The following FRMPD1 variants were observed in gnomAD, a reference collection of about 807,000 sequenced individuals.
FRMPD1 encodes the protein FERM and PDZ domain-containing protein 1.
Under a neutral mutation model 117.8 loss-of-function variants are expected in FRMPD1, and 76 were observed. The observed-to-expected ratio is 0.65, with a 90% CI of 0.54 to 0.78. FRMPD1 has a LOEUF of 0.78. Ranked by LOEUF, FRMPD1 falls within the 30% of genes least tolerant of loss-of-function variation. The probability of loss-of-function intolerance (pLI) is 0.00; values close to 1 mark genes in which losing one functional copy is unlikely to be tolerated. For synonymous variants in FRMPD1, 783 were observed against 770.4 expected, an observed-to-expected ratio of 1.02 and a Z score of -0.27; for missense variants, 1,786 against 1,964.5, an observed-to-expected ratio of 0.91 and a Z score of 1.72.
At position 37,744,892 on chromosome 9, in the gene FRMPD1, G is replaced by A. The variant is rs1824614620; in HGVS notation, c.2860G>A (p.Glu954Lys). The change falls in exon 16 of 16, where the codon GAG becomes AAG. Residue 954 changes from glutamate (E) to lysine (K), a missense_variant. Transcript: ENST00000377765. ...CTTCCGGATTGACCCCAACAATAAA[G>A]AGAATTCTGGTGTTGTCCCTGCTGC... is the stretch of plus-strand genomic sequence containing the variant. ...IRFRIDPNNKENSGVVPAASS... is the reference protein window; with the variant it reads ...IRFRIDPNNKKNSGVVPAASS... 1 of 1,614,082 alleles carries A rather than the reference G, an allele frequency of 6.2e-7. No homozygotes were observed. The highest frequency in any genetic ancestry group is 8.5e-7 in the Non-Finnish European group (1 of 1,180,052).
At chr9:37,608,645 A>G in the FRMPD1 span, among the ~76,000 whole-genome samples, 3 of 152,264 alleles carry the variant, frequency 2.0e-5, no homozygotes, top group South Asian at 6.2e-4. Flanking sequence ...GCCTGGCAAG[A>G]CTTAGTTTTC....
chr9:37,621,682 A>G, the FRMPD1 span, among the ~76,000 whole-genome samples: 1 of 152,158 alleles, frequency 6.6e-6, no homozygotes, highest in African/African-American at 2.4e-5. Context: ...GGATTGGCCA[A>G]CACTCCCAGA....
chr9:37,628,924 C>A, the FRMPD1 span, among the ~76,000 whole-genome samples: 4 of 152,182 alleles, frequency 2.6e-5, no homozygotes, highest in African/African-American at 9.7e-5. Context: ...TCAGGCCGGG[C>A]GCGGTGGCTC....
At chr9:37,691,048 A>G (rs1394411178) in intron 1 of FRMPD1, among the ~76,000 whole-genome samples, 1 of 152,210 alleles carries the variant, frequency 6.6e-6, no homozygotes, top group Admixed American at 6.5e-5. Flanking sequence ...CAACACATGA[A>G]CTTCAGGAAC....
intron 1 of FRMPD1, among the ~76,000 whole-genome samples, chr9:37,663,837 A>T (rs1188708602): frequency 6.6e-6 from 1 of 152,200 alleles, no homozygotes; most frequent in Admixed American, 6.5e-5. Flanking sequence ...TACTTATAAT[A>T]CCTAATAGAG....
intron 2 of FRMPD1, among the ~76,000 whole-genome samples, chr9:37,703,475 T>C (rs1203265989): frequency 6.6e-6 from 1 of 152,234 alleles, no homozygotes; most frequent in East Asian, 1.9e-4. Flanking sequence ...TATATTTGTA[T>C]TATAAGCTTT....
chr9:37,694,517 C>G (rs987799076), intron 2 of FRMPD1, among the ~76,000 whole-genome samples: 1 of 152,128 alleles, frequency 6.6e-6, no homozygotes, highest in African/African-American at 2.4e-5. Context: ...CTATTCTCCC[C>G]TCTGCCAGCC....
In FRMPD1 at chr9:37,694,011, C is replaced by T. The variant is rs1822238246; in HGVS notation, c.101+1269C>T. Among the ~76,000 whole-genome samples, 3 of 152,332 alleles carry T rather than the reference C, an allele frequency of 2.0e-5. No homozygotes were observed. In the South Asian group the frequency reaches 6.2e-4, roughly 32 times the overall value. On this transcript the variant is annotated intron_variant, in intron 2 of 15. Coordinates refer to ENST00000377765, the MANE Select transcript of FRMPD1 (RefSeq NM_014907.3). Reference sequence around the variant, plus strand: ...TCAACTTTTCGAGCCCATTCATTTCCTTTCTCCTAGACCTGCCTTCTGTGA... The same window carrying T: ...TCAACTTTTCGAGCCCATTCATTTCTTTTCTCCTAGACCTGCCTTCTGTGA...
intron 14 of FRMPD1, 141 bp downstream of exon 14, chr9:37,737,384 C>A: frequency 1.5e-6 from 1 of 663,100 alleles, no homozygotes. Flanking sequence ...CTGTTTATTT[C>A]CTAGTAAACA....
At chr9:37,736,003 ATT>A (rs199807390) in intron 13 of FRMPD1, among the ~76,000 whole-genome samples, 16 of 144,376 alleles carry the variant, frequency 1.1e-4, no homozygotes, top group Admixed American at 3.4e-4. Flanking sequence ...ACACCAGAGG[ATT>A]TTTTTTTTTT....
chr9:37,630,017 G>A, the FRMPD1 span, among the ~76,000 whole-genome samples: 1 of 152,198 alleles, frequency 6.6e-6, no homozygotes, highest in Non-Finnish European at 1.5e-5. Context: ...TCCTCATGGA[G>A]TGGAAGGTGC....
chr9:37,730,656 A>G (rs1253219701), intron 8 of FRMPD1, among the ~76,000 whole-genome samples: 1 of 152,216 alleles, frequency 6.6e-6, no homozygotes, highest in African/African-American at 2.4e-5. Flanking sequence ...GTGGAAGATA[A>G]AAGAATAGAC....
the FRMPD1 span, among the ~76,000 whole-genome samples, chr9:37,637,963 G>GCTTCTTTCTTTCTTTCTTT: frequency 1.7e-4 from 17 of 100,130 alleles, 1 homozygote; most frequent in African/African-American, 6.5e-4. Flanking sequence ...AATGGTGTAT[G>GCTTCTTTCTTTCTTTCTTT]CTTTCTTTCT....
Position 37,735,677 on chromosome 9 carries a change from G to A in FRMPD1, c.1344G>A (p.Glu448=). Residue 448 remains glutamate (E), a synonymous_variant, in exon 13 of 16, where the codon GAG becomes GAA. Transcript: ENST00000377765. ...AGTTTGCAAACATCAGCCGTGTAGAGCTAACGGAAGAGTCTGAGAAAGTGA... is the reference window on the plus strand; with the variant it reads ...AGTTTGCAAACATCAGCCGTGTAGAACTAACGGAAGAGTCTGAGAAAGTGA... ...LAEFANISRV[E]LTEESEKVSV... 1 of 1,613,474 alleles carries A rather than the reference G, an allele frequency of 6.2e-7. No homozygotes were observed. The highest frequency in any genetic ancestry group is 1.1e-5 in the South Asian group (1 of 91,014).
intron 1 of FRMPD1, among the ~76,000 whole-genome samples, chr9:37,652,878 T>TAAA (rs1820720920): frequency 6.6e-6 from 1 of 152,232 alleles, no homozygotes; most frequent in Non-Finnish European, 1.5e-5. Context: ...CTGGGATTCC[T>TAAA]GTGAACACTA....
chr9:37,670,658 A>G (rs1404741336), intron 1 of FRMPD1, among the ~76,000 whole-genome samples: 2 of 152,230 alleles, frequency 1.3e-5, no homozygotes, highest in Non-Finnish European at 2.9e-5. Flanking sequence ...TTTGTTCTTT[A>G]TCCTGAAGGC....
chr9:37,655,850 C>A (rs1820827439), intron 1 of FRMPD1, among the ~76,000 whole-genome samples: 1 of 152,084 alleles, frequency 6.6e-6, no homozygotes, highest in Admixed American at 6.5e-5. Context: ...CCTTTGCTCC[C>A]CCGTCTAGCC....
intron 1 of FRMPD1, among the ~76,000 whole-genome samples, chr9:37,653,159 G>A (rs1028519235): frequency 2.6e-5 from 4 of 152,196 alleles, no homozygotes; most frequent in African/African-American, 9.7e-5. Flanking sequence ...CTCGCTGGCT[G>A]TGGAGTATTG....
At chr9:37,684,939 C>A (rs1333900002) in intron 1 of FRMPD1, among the ~76,000 whole-genome samples, 1 of 151,914 alleles carries the variant, frequency 6.6e-6, no homozygotes, top group Non-Finnish European at 1.5e-5. Flanking sequence ...ATTTTCAGTA[C>A]ACACAGGATT....
Sources: gnomAD v4.1 joint callset for allele counts (sites outside exome capture counted in the v4.1 genomes callset) on GRCh38, gnomAD v4.1.1 for gene constraint, MANE v1.5 for transcripts, NCBI Gene and HGNC (gene_info 2026-07-23, HGNC 2026-07-21) for gene names.